HTR7: variants seen among roughly 807,000 people sequenced by gnomAD.
HTR7 encodes the protein 5-hydroxytryptamine receptor 7.
A neutral mutation model predicts 34.0 loss-of-function variants in HTR7; 16 were observed. The ratio of observed to expected loss-of-function variants is 0.47; its 90% CI spans 0.32 to 0.71. The LOEUF is 0.71. Among genes scored for constraint, HTR7 ranks in the 30% least tolerant of loss-of-function variants. The pLI, the probability that HTR7 is intolerant of heterozygous loss-of-function variation, is 0.04. For synonymous variants in HTR7, 265 were observed against 260.2 expected, an observed-to-expected ratio of 1.02 and a Z score of -0.18; for missense variants, 504 against 625.5, an observed-to-expected ratio of 0.81 and a Z score of 2.07.
intron 1 of HTR7, among the ~76,000 whole-genome samples, chr10:90,764,383 A>G (rs906359410): frequency 6.6e-6 from 1 of 152,168 alleles, no homozygotes; most frequent in African/African-American, 2.4e-5. Flanking sequence ...GGTAGATTGC[A>G]AAAATTTTCT....
chr10:90,743,831 TAGC>T (rs1564666423), intron 2 of HTR7, 141 bp from the exon 3 acceptor site: 1 of 750,828 alleles, frequency 1.3e-6, no homozygotes, highest in East Asian at 2.7e-5. Flanking sequence ...TTAAAATTGA[TAGC>T]AGTAAATTAA....
At chr10:90,816,735 A>G (rs145226316) in intron 1 of HTR7, among the ~76,000 whole-genome samples, 30 of 152,240 alleles carry the variant, frequency 2.0e-4, no homozygotes, top group African/African-American at 7.2e-4. Context: ...ACCGGGCCTG[A>G]TCTGTTTCTC....
intron 1 of HTR7, among the ~76,000 whole-genome samples, chr10:90,752,655 T>A (rs1053627012): frequency 6.6e-6 from 1 of 151,816 alleles, no homozygotes; most frequent in Non-Finnish European, 1.5e-5. Context: ...AGCCCCAAAA[T>A]AATTATTCAA....
At chr10:90,834,247 G>A (rs1202653268) in intron 1 of HTR7, among the ~76,000 whole-genome samples, 1 of 152,130 alleles carries the variant, frequency 6.6e-6, no homozygotes, top group Non-Finnish European at 1.5e-5. Flanking sequence ...AATCCTACTA[G>A]TCCTCCAAAT....
At chr10:90,773,174 C>T (rs546585257) in intron 1 of HTR7, among the ~76,000 whole-genome samples, 3 of 152,330 alleles carry the variant, frequency 2.0e-5, no homozygotes, top group South Asian at 4.1e-4. Flanking sequence ...CCCTTGCTTT[C>T]GGTCAAACTC....
At chr10:90,817,735 T>C (rs1845918404) in intron 1 of HTR7, among the ~76,000 whole-genome samples, 1 of 152,220 alleles carries the variant, frequency 6.6e-6, no homozygotes, top group African/African-American at 2.4e-5. Flanking sequence ...TAATCACTCA[T>C]TTCGGTTGTC....
chr10:90,825,157 C>A (rs1846049835), intron 1 of HTR7, among the ~76,000 whole-genome samples: 1 of 152,190 alleles, frequency 6.6e-6, no homozygotes, highest in Admixed American at 6.5e-5. Context: ...GAAAGTAAGG[C>A]AAGAATATGA....
rs551205342 is a variant in HTR7, at chr10:90,767,813, G to A, written c.540-18219C>T. Among the ~76,000 whole-genome samples the A allele has an allele frequency of 3.9e-5, 6 of 152,124 alleles. No individual in the cohort carries two copies. In the East Asian group the frequency reaches 7.8e-4, roughly 20 times the overall value. ...GTTAGCCTAGGCTTCCTCAGAGCAC[G>A]ACAGACTTCTTATGTATCAGCTGGC... On this transcript the variant is annotated intron_variant, in intron 1 of 3. Coordinates refer to ENST00000336152, the MANE Select transcript of HTR7 (RefSeq NM_019859.4).
chr10:90,785,307 T>C (rs978195606), intron 1 of HTR7, among the ~76,000 whole-genome samples: 9 of 151,878 alleles, frequency 5.9e-5, no homozygotes, highest in Non-Finnish European at 1.2e-4. Context: ...CCCATAAACA[T>C]CAGAGGCAGC....
intron 1 of HTR7, among the ~76,000 whole-genome samples, chr10:90,848,154 G>A (rs186646048): frequency 2.2e-4 from 31 of 141,952 alleles, no homozygotes; most frequent in African/African-American, 7.3e-4. Context: ...CCGCAACCTC[G>A]GCCTCCCGGG....
chr10:90,783,381 A>C (rs1412956610), intron 1 of HTR7, among the ~76,000 whole-genome samples: 2 of 152,120 alleles, frequency 1.3e-5, no homozygotes, highest in Non-Finnish European at 2.9e-5. Context: ...CCACTTTGTA[A>C]AAGCCCTGTG....
At chr10:90,786,276 G>A (rs1478031729) in intron 1 of HTR7, among the ~76,000 whole-genome samples, 1 of 152,208 alleles carries the variant, frequency 6.6e-6, no homozygotes, top group African/African-American at 2.4e-5. Flanking sequence ...CCTTGGCTAA[G>A]GATGGTTCAT....
At chr10:90,832,711 T>C (rs66650915) in intron 1 of HTR7, among the ~76,000 whole-genome samples, 57,591 of 151,686 alleles carry the variant, frequency 0.38, 12,003 homozygotes, top group African/African-American at 0.57. Flanking sequence ...GCGAGGGCTG[T>C]GAGAGCTGCC....
chr10:90,840,843 T>G (rs1359673384), intron 1 of HTR7, among the ~76,000 whole-genome samples: 1 of 152,208 alleles, frequency 6.6e-6, no homozygotes, highest in East Asian at 1.9e-4. Context: ...TCAAAGAAGT[T>G]AAATAATGTC....
chr10:90,817,250 T>C (rs186048367), intron 1 of HTR7, among the ~76,000 whole-genome samples: 5 of 152,256 alleles, frequency 3.3e-5, no homozygotes, highest in African/African-American at 1.2e-4. Context: ...ACAGCCATGG[T>C]GAAATGGGAA....
intron 1 of HTR7, among the ~76,000 whole-genome samples, chr10:90,831,875 T>C (rs572730929): frequency 2.0e-5 from 3 of 152,262 alleles, no homozygotes; most frequent in African/African-American, 4.8e-5. Context: ...AGAGTGTCGA[T>C]TGGTGCATTC....
At chr10:90,810,299 T>A (rs1845784759) in intron 1 of HTR7, among the ~76,000 whole-genome samples, 1 of 151,826 alleles carries the variant, frequency 6.6e-6, no homozygotes, top group Non-Finnish European at 1.5e-5. Context: ...TCCTCTTGTA[T>A]CCCCCCACCT....
intron 1 of HTR7, among the ~76,000 whole-genome samples, chr10:90,827,858 T>C: frequency 6.6e-6 from 1 of 152,204 alleles, no homozygotes; most frequent in East Asian, 1.9e-4. Flanking sequence ...ATCTGCACCA[T>C]GGACCAAATT....
intron 3 of HTR7, 36 bp from the exon 4 acceptor site, chr10:90,742,564 A>T (rs1296376846): frequency 7.1e-7 from 1 of 1,413,936 alleles, no homozygotes. Context: ...AAAATAATTT[A>T]GTAGAACTGT....
Sources: gnomAD v4.1 joint callset for allele counts (sites outside exome capture counted in the v4.1 genomes callset) on GRCh38, gnomAD v4.1.1 for gene constraint, MANE v1.5 for transcripts, NCBI Gene and HGNC (gene_info 2026-07-23, HGNC 2026-07-21) for gene names.